Variants in SNTG1 observed in about 807,000 individuals in gnomAD.
SNTG1 encodes syntrophin gamma 1, also known as gamma-1-syntrophin.
In SNTG1, 39 loss-of-function variants were observed where a neutral mutation model predicts 74.7. That is an observed-to-expected ratio of 0.52 (90% CI 0.40 to 0.68). SNTG1 has a LOEUF of 0.68. SNTG1 is among the 30% of genes least tolerant of loss of function. The pLI, the probability that SNTG1 is intolerant of heterozygous loss-of-function variation, is 0.00. For missense variants in SNTG1, 685 were observed against 609.5 expected (o/e 1.12, Z -1.30); for synonymous variants, 254 against 217.1 (o/e 1.17, Z -1.49).
Position 50,657,029 on chromosome 8 carries a change from C to A in SNTG1, c.966+4C>A, listed in dbSNP as rs202193224. 14 of 1,507,600 alleles carry A rather than the reference C, an allele frequency of 9.3e-6. No homozygotes were observed. The highest frequency in any genetic ancestry group is 1.2e-5 in the Non-Finnish European group (14 of 1,125,710). 93.4% of individuals were successfully genotyped at this position (1,507,600 alleles called of 1,614,324 possible). A position where few individuals can be genotyped will look rare whatever the true frequency, so the allele number is the denominator to read the frequency against. On this transcript the variant is annotated splice_donor_region_variant and intron_variant, in intron 14 of 18. Transcript: ENST00000642720. ...CTACAAGTTTCTGGCACCTCCAGTA[C>A]GTGTTTTATTGAAATGTATTGGTCG...
intron 1 of SNTG1, among the ~76,000 whole-genome samples, chr8:50,052,176 T>C (rs1819632894): frequency 6.6e-6 from 1 of 152,028 alleles, no homozygotes; most frequent in African/African-American, 2.4e-5. Context: ...GATAGAGTAA[T>C]CAGATAATAT....
chr8:49,951,628 G>A (rs1246613727), intron 1 of SNTG1, among the ~76,000 whole-genome samples: 1 of 151,362 alleles, frequency 6.6e-6, no homozygotes, highest in African/African-American at 2.4e-5. Context: ...GGAGCGGGGA[G>A]GGATAGCATT....
chr8:50,575,715 C>A (rs888816814), intron 12 of SNTG1: 10 of 152,174 alleles, frequency 6.6e-5, no homozygotes, highest in Admixed American at 2.6e-4. Flanking sequence ...CACAAGGAGA[C>A]AAACCAAATG....
At chr8:50,015,004 C>A in intron 1 of SNTG1, among the ~76,000 whole-genome samples, 1 of 149,074 alleles carries the variant, frequency 6.7e-6, no homozygotes. Flanking sequence ...AAAAGTATAC[C>A]ACATGCACAG....
chr8:50,685,071 G>A (rs2095346888), intron 15 of SNTG1, among the ~76,000 whole-genome samples: 1 of 151,814 alleles, frequency 6.6e-6, no homozygotes, highest in African/African-American at 2.4e-5. Flanking sequence ...GACTTATTAA[G>A]TTAGTGAAGG....
intron 1 of SNTG1, among the ~76,000 whole-genome samples, chr8:49,941,841 C>A (rs1417704777): frequency 2.0e-5 from 3 of 152,188 alleles, no homozygotes; most frequent in Admixed American, 6.5e-5. Flanking sequence ...TTTTCTCTCT[C>A]GCTTTTACCA....
chr8:49,997,759 T>G (rs1289576916), intron 1 of SNTG1, among the ~76,000 whole-genome samples: 1 of 152,200 alleles, frequency 6.6e-6, no homozygotes, highest in African/African-American at 2.4e-5. Context: ...TGTTGTTTTT[T>G]TAGCATCTTG....
intron 18 of SNTG1, among the ~76,000 whole-genome samples, chr8:50,782,640 T>TTGGTTTGAATTTCC (rs2095663047): frequency 6.6e-6 from 1 of 151,866 alleles, no homozygotes; most frequent in Admixed American, 6.6e-5. Flanking sequence ...CTTCTTTGCC[T>TTGGTTTGAATTTCC]TTGGTTTGAA....
At chr8:50,668,862 T>G (rs1428596831) in intron 15 of SNTG1, among the ~76,000 whole-genome samples, 1 of 152,052 alleles carries the variant, frequency 6.6e-6, no homozygotes, top group Non-Finnish European at 1.5e-5. Flanking sequence ...TACCACATTT[T>G]CTTTATTCAG....
At chr8:50,706,206 T>C (rs1286472020) in intron 16 of SNTG1, among the ~76,000 whole-genome samples, 3 of 152,124 alleles carry the variant, frequency 2.0e-5, no homozygotes. Context: ...TTCATGCACC[T>C]AAAAAGTCTT....
chr8:50,044,204 A>G (rs1478227156), intron 1 of SNTG1, among the ~76,000 whole-genome samples: 2 of 152,238 alleles, frequency 1.3e-5, no homozygotes, highest in African/African-American at 2.4e-5. Flanking sequence ...TGAATGTAAC[A>G]TAAGTCAGAC....
At chr8:50,592,408 A>G (rs2094697579) in intron 13 of SNTG1, among the ~76,000 whole-genome samples, 2 of 152,214 alleles carry the variant, frequency 1.3e-5, no homozygotes, top group South Asian at 2.1e-4. Flanking sequence ...GGTGTAATAT[A>G]TTACTACAGA....
chr8:50,587,740 G>A (rs1344490670), intron 12 of SNTG1, among the ~76,000 whole-genome samples: 1 of 151,744 alleles, frequency 6.6e-6, no homozygotes, highest in Non-Finnish European at 1.5e-5. Context: ...CAGGAGAATC[G>A]CTTGAACCCG....
intron 2 of SNTG1, among the ~76,000 whole-genome samples, chr8:50,301,457 A>G (rs1410707482): frequency 6.6e-6 from 1 of 152,142 alleles, no homozygotes; most frequent in Non-Finnish European, 1.5e-5. Context: ...TATATTTCAT[A>G]ATTTATCATC....
At chr8:50,748,685 A>C (rs528253127) in intron 17 of SNTG1, among the ~76,000 whole-genome samples, 1 of 151,954 alleles carries the variant, frequency 6.6e-6, no homozygotes, top group Admixed American at 6.6e-5. Context: ...CATTTTGGTA[A>C]TGCTTAAAAT....
intron 1 of SNTG1, among the ~76,000 whole-genome samples, chr8:50,155,743 C>T (rs1277181342): frequency 6.6e-6 from 1 of 151,794 alleles, no homozygotes; most frequent in Non-Finnish European, 1.5e-5. Context: ...ACCTTTCACT[C>T]TATAGGGCCA....
intron 1 of SNTG1, among the ~76,000 whole-genome samples, chr8:50,119,139 A>G: frequency 7.1e-6 from 1 of 141,048 alleles, no homozygotes; most frequent in East Asian, 2.0e-4. Flanking sequence ...ACTATTTCTG[A>G]TTTTCTTTTT....
intron 2 of SNTG1, among the ~76,000 whole-genome samples, chr8:50,267,711 G>C (rs1310273035): frequency 1.3e-5 from 2 of 152,100 alleles, no homozygotes; most frequent in African/African-American, 4.8e-5. Flanking sequence ...ATATATAGTA[G>C]TATCATTTGA....
chr8:50,203,111 T>G (rs2084053776), intron 2 of SNTG1, among the ~76,000 whole-genome samples: 1 of 152,142 alleles, frequency 6.6e-6, no homozygotes, highest in Non-Finnish European at 1.5e-5. Flanking sequence ...TTTTTCCATT[T>G]CAGTTGGGAA....
Sources: gnomAD v4.1 joint callset for allele counts (sites outside exome capture counted in the v4.1 genomes callset) on GRCh38, gnomAD v4.1.1 for gene constraint, MANE v1.5 for transcripts, NCBI Gene and HGNC (gene_info 2026-07-23, HGNC 2026-07-21) for gene names.